ARHGAP29: variants seen among roughly 807,000 people sequenced by gnomAD.
ARHGAP29 encodes Rho GTPase activating protein 29.
A neutral mutation model predicts 122.6 loss-of-function variants in ARHGAP29; 43 were observed. That is an observed-to-expected ratio of 0.35 (90% confidence interval 0.27 to 0.45). ARHGAP29 has a LOEUF of 0.45. Among genes scored for constraint, ARHGAP29 ranks in the 20% least tolerant of loss-of-function variants. The probability of loss-of-function intolerance (pLI) is 1.00; values close to 1 mark genes in which losing one functional copy is unlikely to be tolerated. For missense variants in ARHGAP29, 1,303 were observed against 1,477.2 expected, an observed-to-expected ratio of 0.88 and a Z score of 1.93; for synonymous variants, 506 against 497.1, an observed-to-expected ratio of 1.02 and a Z score of -0.24.
chr1:94,268,701 A>ATCT (rs1453832508), intron 1 of ARHGAP29, among the ~76,000 whole-genome samples: 6 of 152,170 alleles, frequency 3.9e-5, no homozygotes, highest in African/African-American at 1.2e-4. Context: ...TCAAATGATT[A>ATCT]TCTTCTTCTT....
intron 18 of ARHGAP29, among the ~76,000 whole-genome samples, chr1:94,184,542 A>C (rs1649672755): frequency 6.6e-6 from 1 of 152,130 alleles, no homozygotes; most frequent in Non-Finnish European, 1.5e-5. Flanking sequence ...CCTAGAGTTC[A>C]AGACCAGCCT....
chr1:94,200,555 G>A (rs1301445285), intron 12 of ARHGAP29, among the ~76,000 whole-genome samples: 1 of 152,122 alleles, frequency 6.6e-6, no homozygotes, highest in Non-Finnish European at 1.5e-5. Context: ...ATTGACTTGA[G>A]AAACAAGAAA....
intron 19 of ARHGAP29, among the ~76,000 whole-genome samples, chr1:94,182,583 T>A (rs1414601090): frequency 6.6e-6 from 1 of 151,818 alleles, no homozygotes; most frequent in African/African-American, 2.4e-5. Flanking sequence ...ATACAAGAAG[T>A]TAGAAATGAG....
At chr1:94,244,157 T>C (rs1653704768) in intron 1 of ARHGAP29, among the ~76,000 whole-genome samples, 1 of 151,572 alleles carries the variant, frequency 6.6e-6, no homozygotes, top group Non-Finnish European at 1.5e-5. Flanking sequence ...CAACTCATTC[T>C]ATGAGGCCAG....
At chr1:94,191,732 T>C (rs914187304) in intron 12 of ARHGAP29, 29 of 152,210 alleles carry the variant, frequency 1.9e-4, no homozygotes, top group African/African-American at 6.8e-4. Context: ...CTTGTCCAAA[T>C]GTAGATTATG....
intron 15 of ARHGAP29, among the ~76,000 whole-genome samples, chr1:94,188,371 A>C (rs899277423): frequency 2.6e-5 from 4 of 152,168 alleles, no homozygotes; most frequent in Non-Finnish European, 5.9e-5. Context: ...ACAATCCAAA[A>C]TATGACAATT....
chr1:94,209,773 C>T (rs1291056721), intron 3 of ARHGAP29, among the ~76,000 whole-genome samples: 4 of 150,018 alleles, frequency 2.7e-5, no homozygotes, highest in Non-Finnish European at 5.9e-5. Context: ...ATATGAGGTA[C>T]ATTTTTTAGT....
At chr1:94,260,446 C>T (rs764222125) in intron 1 of ARHGAP29, among the ~76,000 whole-genome samples, 3 of 152,192 alleles carry the variant, frequency 2.0e-5, no homozygotes, top group Non-Finnish European at 2.9e-5. Context: ...GCTCCTATAT[C>T]CCATCCTCAG....
chr1:94,185,562 A>G (rs1649747134), intron 16 of ARHGAP29, 81 bp from the exon 17 acceptor site: 1 of 1,222,210 alleles, frequency 8.2e-7, no homozygotes, highest in Non-Finnish European at 1.1e-6. Context: ...AATAATCTTT[A>G]AACCCTGTAA....
At chr1:94,226,077 AC>A (rs1454926276) in intron 2 of ARHGAP29, among the ~76,000 whole-genome samples, 3 of 152,180 alleles carry the variant, frequency 2.0e-5, no homozygotes, top group African/African-American at 7.2e-5. Flanking sequence ...AATGAAAAAA[AC>A]ATGATGTTTT....
the ARHGAP29 span, among the ~76,000 whole-genome samples, chr1:94,309,879 C>T: frequency 2.0e-3 from 303 of 152,274 alleles, no homozygotes; most frequent in African/African-American, 6.7e-3. Context: ...TCTTTGGGTC[C>T]TATGCTGCAC....
chr1:94,272,661 G>T (rs556472417), intron 1 of ARHGAP29, among the ~76,000 whole-genome samples: 1 of 152,204 alleles, frequency 6.6e-6, no homozygotes, highest in Non-Finnish European at 1.5e-5. Context: ...GCCTGGCTGA[G>T]ACTTGTGGCA....
At chr1:94,192,191 C>G (rs1650169636) in intron 12 of ARHGAP29, 1 of 152,102 alleles carries the variant, frequency 6.6e-6, no homozygotes, top group Non-Finnish European at 1.5e-5. Context: ...ATGCAGTAAG[C>G]TAACTTCTCC....
chr1:94,189,500 C>T, intron 13 of ARHGAP29, 148 bp from the exon 14 acceptor site: 2 of 1,003,396 alleles, frequency 2.0e-6, no homozygotes, highest in Non-Finnish European at 1.4e-6. Context: ...ACTCATGGTT[C>T]AGCTTCTTAT....
chr1:94,288,292 G>T, the ARHGAP29 span, among the ~76,000 whole-genome samples: 3 of 152,076 alleles, frequency 2.0e-5, no homozygotes, highest in African/African-American at 7.2e-5. Flanking sequence ...GCATAAATGT[G>T]TTTTTTTGAG....
intron 1 of ARHGAP29, among the ~76,000 whole-genome samples, chr1:94,253,636 A>ACACGCACGCACGCACGCACG (rs66700832): frequency 1.3e-5 from 2 of 149,232 alleles, no homozygotes; most frequent in Non-Finnish European, 3.0e-5. Context: ...TCTGGAACAC[A>ACACGCACGCACGCACGCACG]CACGCACGCA....
At position 94,190,077 on chromosome 1, in the gene ARHGAP29, C is replaced by T. The variant is rs1650047329; in HGVS notation, c.1288G>A (p.Val430Ile). ...QCDLTLKAVT[V>I]NLFHMQHLQA... is the part of the protein sequence containing the mutation. Reference sequence around the variant, plus strand: ...AGATGCTGCATGTGGAAGAGGTTAACTGTTACCTATGGACCCAGAGACAAA... The same window carrying T: ...AGATGCTGCATGTGGAAGAGGTTAATTGTTACCTATGGACCCAGAGACAAA... The change falls in exon 13 of 23, where the codon GTT becomes ATT. Residue 430 changes from valine (V) to isoleucine (I), a missense_variant. Val to Ile is a conservative substitution (Grantham distance 29, BLOSUM62 3). Transcript: ENST00000260526. 3 of 1,612,900 alleles carry T rather than the reference C, an allele frequency of 1.9e-6. No homozygotes were observed. Among genetic ancestry groups the T allele is most frequent in the Non-Finnish European group, 2.5e-6 (3 of 1,179,368 alleles).
At chr1:94,192,944 C>G (rs929261492) in intron 12 of ARHGAP29, 5 of 152,074 alleles carry the variant, frequency 3.3e-5, no homozygotes, top group African/African-American at 9.6e-5. Context: ...CTCAACAACT[C>G]GCAAGACAAA....
chr1:94,242,150 T>A (rs918512668), upstream of ARHGAP29, among the ~76,000 whole-genome samples: 1 of 152,062 alleles, frequency 6.6e-6, no homozygotes, highest in African/African-American at 2.4e-5. Context: ...ACAACAAGGA[T>A]TGGCAAATAA....
Sources: allele counts gnomAD v4.1 joint callset (sites outside exome capture counted in the v4.1 genomes callset), GRCh38; gene constraint gnomAD v4.1.1; transcripts MANE v1.5; gene names NCBI Gene and HGNC (gene_info 2026-07-23, HGNC 2026-07-21).